The following CSF2RA variants were observed in gnomAD, a reference collection of about 807,000 sequenced individuals.
The protein encoded by CSF2RA is colony stimulating factor 2 receptor subunit alpha.
Under a neutral mutation model 51.6 loss-of-function variants are expected in CSF2RA, and 42 were observed. The observed-to-expected ratio is 0.81, with a 90% CI of 0.64 to 1.05. The LOEUF is 1.05. Ranked by LOEUF, CSF2RA falls within the 50% of genes least tolerant of loss-of-function variation. The probability of loss-of-function intolerance (pLI) is 0.00; values close to 1 mark genes in which losing one functional copy is unlikely to be tolerated. For missense variants in CSF2RA, 530 were observed against 501.1 expected, an observed-to-expected ratio of 1.06 and a Z score of -0.55; for synonymous variants, 222 against 193.0, an observed-to-expected ratio of 1.15 and a Z score of -1.24.
intron 1 of CSF2RA, among the ~76,000 whole-genome samples, chrX:1,273,464 G>A (rs28721542): frequency 0.17 from 25,048 of 151,798 alleles, 2,269 homozygotes; most frequent in East Asian, 0.34. Context: ...ATATGCATGA[G>A]CCATCGTGCC....
chrX:1,283,380 CTTCT>C lies in CSF2RA; in HGVS notation c.76+610_76+613del, dbSNP rs376386140. Among the ~76,000 whole-genome samples, 857 of 145,164 alleles carry C rather than the reference CTTCT, an allele frequency of 5.9e-3. 8 individuals are homozygous for C. The highest frequency in any genetic ancestry group is 0.014 in the African/African-American group (568 of 39,432). On this transcript the variant is annotated intron_variant, in intron 3 of 12. Coordinates refer to ENST00000381529, the MANE Select transcript of CSF2RA (RefSeq NM_172245.4). ...CTTTCCTTCCTTCTTCCGTCCCTCC[CTTCT>C]TTCTTTCTCTTTCTTCCTTCCCTCC... is the stretch of plus-strand genomic sequence containing the variant.
intron 4 of CSF2RA, chrX:1,287,346 G>GT (rs1425764034): frequency 2.7e-5 from 4 of 150,814 alleles, no homozygotes; most frequent in Non-Finnish European, 4.4e-5. Context: ...TAGAGACGGG[G>GT]TTTCACCATG....
intron 3 of CSF2RA, among the ~76,000 whole-genome samples, chrX:1,285,421 C>T (rs2090515869): frequency 2.0e-5 from 3 of 151,782 alleles, no homozygotes; most frequent in African/African-American, 7.2e-5. Flanking sequence ...CGGCCGGGCA[C>T]GGTGGCTCAC....
intron 3 of CSF2RA, among the ~76,000 whole-genome samples, chrX:1,285,150 C>T (rs1183049575): frequency 4.6e-5 from 7 of 152,090 alleles, no homozygotes; most frequent in Admixed American, 4.6e-4. Context: ...AGCTTTTTGC[C>T]TCAGCCTCCC....
chrX:1,321,798 C>T, the CSF2RA span, among the ~76,000 whole-genome samples: 1 of 152,048 alleles, frequency 6.6e-6, no homozygotes, highest in African/African-American at 2.4e-5. Flanking sequence ...GATTTTTTTG[C>T]CACACTGCTT....
At chrX:1,300,697 G>A (rs2092310023) in intron 10 of CSF2RA, 71 bp downstream of exon 10, 5 of 1,603,782 alleles carry the variant, frequency 3.1e-6, no homozygotes, top group Admixed American at 1.7e-5. Context: ...CAGAGGTCAG[G>A]TGCTCTGTCC....
intron 12 of CSF2RA, 107 bp from the exon 13 acceptor site, chrX:1,309,295 A>G: frequency 1.7e-6 from 2 of 1,197,486 alleles, no homozygotes; most frequent in South Asian, 2.5e-5. Flanking sequence ...AGCCTGGGCA[A>G]TAGAATGAGA....
intron 6 of CSF2RA, among the ~76,000 whole-genome samples, chrX:1,289,799 GTGT>G (rs200573954): frequency 0.015 from 1,592 of 104,138 alleles, 24 homozygotes; most frequent in African/African-American, 0.052. Context: ...GTTTTGTTTT[GTGT>G]TTTTGTGTTT....
chrX:1,283,890 T>C (rs2090338040), intron 3 of CSF2RA, among the ~76,000 whole-genome samples: 1 of 152,006 alleles, frequency 6.6e-6, no homozygotes, highest in South Asian at 2.1e-4. Context: ...GACTTCTTAA[T>C]AGCAGCCATT....
At chrX:1,282,136 T>C (rs1408226115) in intron 2 of CSF2RA, 1 of 157,006 alleles carries the variant, frequency 6.4e-6, no homozygotes, top group African/African-American at 2.5e-5. Context: ...ACCTGGGATG[T>C]GGAGGTTGCA....
At chrX:1,314,556 C>T (rs1297676559), downstream of CSF2RA, among the ~76,000 whole-genome samples, 22 of 98,278 alleles carry the variant, frequency 2.2e-4, no homozygotes, top group African/African-American at 7.4e-4. Flanking sequence ...CCCACTGCAC[C>T]TGCCCAATCC....
chrX:1,280,129 A>G (rs1482337959), intron 2 of CSF2RA, among the ~76,000 whole-genome samples: 1 of 152,042 alleles, frequency 6.6e-6, no homozygotes, highest in African/African-American at 2.4e-5. Context: ...TGGAGCAGGA[A>G]CCTCAGGGTG....
At chrX:1,281,645 C>T (rs1331598887) in intron 2 of CSF2RA, among the ~76,000 whole-genome samples, 1 of 151,900 alleles carries the variant, frequency 6.6e-6, no homozygotes, top group African/African-American at 2.4e-5. Context: ...TCCATGTATT[C>T]ATCCCTCCAT....
chrX:1,323,752 C>T, the CSF2RA span, among the ~76,000 whole-genome samples: 104,778 of 151,602 alleles, frequency 0.69, 36,074 homozygotes, highest in African/African-American at 0.71. Context: ...CAGTGGCTCA[C>T]GCCTGTAATC....
chrX:1,271,779 A>G (rs1373571585), intron 1 of CSF2RA, among the ~76,000 whole-genome samples: 1 of 151,820 alleles, frequency 6.6e-6, no homozygotes, highest in Non-Finnish European at 1.5e-5. Context: ...GACCTCCCAA[A>G]GGGCTGGGAT....
chrX:1,303,292 A>G (rs1486674026), intron 10 of CSF2RA: 5 of 430,284 alleles, frequency 1.2e-5, no homozygotes, highest in East Asian at 3.5e-5. Flanking sequence ...CTGGAGTGCA[A>G]TGGCACAATC....
chrX:1,323,971 C>G, the CSF2RA span, among the ~76,000 whole-genome samples: 7 of 151,828 alleles, frequency 4.6e-5, no homozygotes, highest in South Asian at 4.2e-4. Context: ...CCAAGATCAC[C>G]CCACTGCATT....
the CSF2RA span, among the ~76,000 whole-genome samples, chrX:1,316,213 ATAGG>A: frequency 1.5e-5 from 2 of 130,264 alleles, no homozygotes; most frequent in African/African-American, 5.3e-5. Flanking sequence ...ACATAGATAC[ATAGG>A]TAGATAGATA....
At chrX:1,313,555 C>CA (rs111455258), downstream of CSF2RA, among the ~76,000 whole-genome samples, 7 of 149,274 alleles carry the variant, frequency 4.7e-5, no homozygotes, top group Non-Finnish European at 7.4e-5. Context: ...ACTAAAAATA[C>CA]AAAAAAAAAA....
Sources: allele counts gnomAD v4.1 joint callset (sites outside exome capture counted in the v4.1 genomes callset), GRCh38; gene constraint gnomAD v4.1.1; transcripts MANE v1.5; gene names NCBI Gene and HGNC (gene_info 2026-07-23, HGNC 2026-07-21).